EPHB1: variants seen among roughly 807,000 people sequenced by gnomAD.
EPHB1 encodes the protein EPH receptor B1.
Under a neutral mutation model 94.4 loss-of-function variants are expected in EPHB1, and 30 were observed. The observed-to-expected ratio is 0.32, with a 90% CI of 0.24 to 0.43. The LOEUF is 0.43. EPHB1 is among the 20% of genes least tolerant of loss of function. The pLI, the probability that EPHB1 is intolerant of heterozygous loss-of-function variation, is 1.00. For missense variants in EPHB1, 1,055 were observed against 1,308.3 expected (o/e 0.81, Z 2.99); for synonymous variants, 522 against 489.1 (o/e 1.07, Z -0.89).
At chr3:134,860,863 A>G (rs1164656977) in intron 1 of EPHB1, among the ~76,000 whole-genome samples, 2 of 151,016 alleles carry the variant, frequency 1.3e-5, no homozygotes, top group Non-Finnish European at 2.9e-5. Flanking sequence ...GCATCTCATG[A>G]GTCATTGCAA....
At chr3:134,819,736 A>G (rs1342809924) in intron 1 of EPHB1, among the ~76,000 whole-genome samples, 1 of 152,120 alleles carries the variant, frequency 6.6e-6, no homozygotes, top group Non-Finnish European at 1.5e-5. Flanking sequence ...TGGGAAAGGT[A>G]GTTGCCCTTG....
At chr3:134,860,798 C>CCA (rs540916861) in intron 1 of EPHB1, among the ~76,000 whole-genome samples, 1 of 93,722 alleles carries the variant, frequency 1.1e-5, no homozygotes, top group Admixed American at 1.4e-4. Context: ...GGCCAGGTGA[C>CCA]AAAAAAAAAA....
At chr3:135,240,506 C>T (rs531228205) in intron 12 of EPHB1, among the ~76,000 whole-genome samples, 11 of 152,132 alleles carry the variant, frequency 7.2e-5, no homozygotes, top group Non-Finnish European at 8.8e-5. Context: ...GAATCTTGAC[C>T]TCCACTGAAG....
intron 3 of EPHB1, among the ~76,000 whole-genome samples, chr3:134,957,524 A>G (rs1308500849): frequency 2.0e-4 from 31 of 152,158 alleles, no homozygotes; most frequent in Admixed American, 2.0e-3. Context: ...CCCCTTGAAT[A>G]AAGACTGGAG....
At chr3:135,030,972 T>A (rs253872) in intron 3 of EPHB1, among the ~76,000 whole-genome samples, 135,609 of 152,158 alleles carry the variant, frequency 0.89, 61,128 homozygotes, top group East Asian at 1. Context: ...TTCGGGTGGG[T>A]GTGACCCTAT....
At chr3:135,142,512 G>A (rs568031517) in intron 5 of EPHB1, among the ~76,000 whole-genome samples, 8 of 152,320 alleles carry the variant, frequency 5.3e-5, no homozygotes, top group Non-Finnish European at 8.8e-5. Flanking sequence ...TGGAGCCTAA[G>A]ATGGATAATA....
chr3:134,829,640 G>A (rs1349269273), intron 1 of EPHB1, among the ~76,000 whole-genome samples: 6 of 152,070 alleles, frequency 3.9e-5, no homozygotes, highest in Admixed American at 3.3e-4. Flanking sequence ...ATATTGACTT[G>A]TGTCCCCCTA....
intron 3 of EPHB1, among the ~76,000 whole-genome samples, chr3:135,012,714 G>T (rs1326421760): frequency 1.3e-5 from 2 of 152,142 alleles, no homozygotes; most frequent in Non-Finnish European, 2.9e-5. Flanking sequence ...TGTCCCCACT[G>T]CCCTGTCTCC....
In EPHB1 at chr3:135,082,882, G is replaced by A. The variant is rs192688095; in HGVS notation, c.806-23566G>A. Among the ~76,000 whole-genome samples the A allele has an allele frequency of 3.9e-5, 6 of 152,320 alleles. No individual in the cohort carries two copies. In the East Asian group the frequency reaches 1.2e-3, roughly 29 times the overall value. On this transcript the variant is annotated intron_variant, in intron 3 of 15. Coordinates refer to ENST00000398015, the MANE Select transcript of EPHB1 (RefSeq NM_004441.5). ...TGGGGGCAGGGAGCAGTTTTGCAGG[G>A]GAGGCAAGCAGGTGAGCAGACAGTC...
intron 3 of EPHB1, among the ~76,000 whole-genome samples, chr3:135,042,459 T>C (rs1936881743): frequency 6.6e-6 from 1 of 152,248 alleles, no homozygotes; most frequent in Admixed American, 6.5e-5. Context: ...CCACAAAATA[T>C]TTAGGACATA....
chr3:135,091,017 C>A (rs1385921690), intron 3 of EPHB1, among the ~76,000 whole-genome samples: 1 of 152,218 alleles, frequency 6.6e-6, no homozygotes, highest in Non-Finnish European at 1.5e-5. Context: ...AAGGGAAAAT[C>A]TTAATCTTAA....
chr3:134,985,050 A>G (rs1468626059), intron 3 of EPHB1, among the ~76,000 whole-genome samples: 2 of 152,136 alleles, frequency 1.3e-5, no homozygotes, highest in African/African-American at 4.8e-5. Flanking sequence ...TTTTTATTGC[A>G]CAATGGAACT....
rs2036521269 is a variant in EPHB1, at chr3:134,828,239, C to A, written c.58+32550C>A. On this transcript the variant is annotated intron_variant, in intron 1 of 15. Transcript: ENST00000398015. ...TTTGGTGAAGGGTTGTTGAAAATCA[C>A]TGCAGCAAAGGATGTAGGTAAAACC... is the stretch of plus-strand genomic sequence containing the variant. Among the ~76,000 whole-genome samples, 2 of 152,156 alleles carry A rather than the reference C, an allele frequency of 1.3e-5. 1 individual carries two copies. The highest frequency in any genetic ancestry group is 4.1e-4 in the South Asian group (2 of 4,824).
chr3:135,069,153 T>C (rs1937628863), intron 3 of EPHB1, among the ~76,000 whole-genome samples: 1 of 151,634 alleles, frequency 6.6e-6, no homozygotes. Flanking sequence ...CAAATATTTA[T>C]GCTTATGATT....
intron 1 of EPHB1, among the ~76,000 whole-genome samples, chr3:134,817,433 G>A (rs915280688): frequency 1.3e-5 from 2 of 152,206 alleles, no homozygotes; most frequent in Non-Finnish European, 2.9e-5. Flanking sequence ...TGGAGGGCTG[G>A]AAGTGGGTGG....
chr3:135,219,262 A>G (rs961054280), intron 12 of EPHB1, among the ~76,000 whole-genome samples: 3 of 152,106 alleles, frequency 2.0e-5, no homozygotes, highest in African/African-American at 7.2e-5. Flanking sequence ...ATCCCTCCCA[A>G]AAAGATACAT....
chr3:135,029,479 A>G (rs1936331857), intron 3 of EPHB1, among the ~76,000 whole-genome samples: 1 of 147,402 alleles, frequency 6.8e-6, no homozygotes, highest in Admixed American at 6.9e-5. Context: ...TCCTTCACTT[A>G]TGAAGCTTAG....
intron 4 of EPHB1, among the ~76,000 whole-genome samples, chr3:135,115,019 A>T (rs1008442187): frequency 6.6e-6 from 1 of 152,166 alleles, no homozygotes; most frequent in Non-Finnish European, 1.5e-5. Context: ...ATAAATTTTT[A>T]GAGAAAGAAA....
intron 3 of EPHB1, among the ~76,000 whole-genome samples, chr3:134,952,740 T>C (rs1335371649): frequency 2.0e-5 from 3 of 152,146 alleles, no homozygotes; most frequent in Non-Finnish European, 2.9e-5. Context: ...AGTTTGAAAA[T>C]GTCAGGATAC....
Sources: allele counts gnomAD v4.1 joint callset (sites outside exome capture counted in the v4.1 genomes callset), GRCh38; gene constraint gnomAD v4.1.1; transcripts MANE v1.5; gene names NCBI Gene and HGNC (gene_info 2026-07-23, HGNC 2026-07-21).